Variants in ABAT observed in about 807,000 individuals in gnomAD.
ABAT encodes 4-aminobutyrate aminotransferase, mitochondrial.
ABAT carries 45 observed loss-of-function variants against 64.6 expected under a neutral mutation model. The observed-to-expected ratio is 0.70, with a 90% CI of 0.55 to 0.89. The LOEUF (loss-of-function observed/expected upper bound fraction) is 0.89, where lower values mean the gene tolerates loss of function less well. Ranked by LOEUF, ABAT falls within the 40% of genes least tolerant of loss-of-function variation. The pLI is 0.00. For missense variants in ABAT, 633 were observed against 658.4 expected (o/e 0.96, Z 0.42); for synonymous variants, 297 against 250.5 (o/e 1.19, Z -1.75).
chr16:8,774,901 C>T lies in ABAT; in HGVS notation c.966C>T (p.Ala322=). Residue 322 remains alanine, a synonymous_variant, in exon 13 of 16, where the codon GCC becomes GCT. Transcript: ENST00000268251. ...TCTTCTCCGGCCAGCATGGCTGCGC[C>T]TTCTTGGTGGACGAGGTCCAGACCG... ...LRDIARKHGC[A]FLVDEVQTGG... 6.2e-7 allele frequency: 1 copy of T among 1,614,114 alleles called. No homozygotes were observed. Among genetic ancestry groups the T allele is most frequent in the Non-Finnish European group, 8.5e-7 (1 of 1,180,040 alleles).
rs544058168 is a variant in ABAT, at chr16:8,744,250, C to T, written c.71-1751C>T. Among the ~76,000 whole-genome samples the T allele has an allele frequency of 2.5e-4, 38 of 152,228 alleles. No homozygotes were observed. In the South Asian group the frequency reaches 7.9e-3, roughly 32 times the overall value. On this transcript the variant is annotated intron_variant, in intron 2 of 15. Coordinates refer to ENST00000268251, the MANE Select transcript of ABAT (RefSeq NM_020686.6). ...GGCTTTACAGGAAGCATGATGCTGG[C>T]ATGTGCTCAGCTTCTGGGGAGGCCT...
chr16:8,735,805 G>A lies in ABAT; in HGVS notation c.66G>A (p.Val22=), dbSNP rs770850099. The change falls in exon 2 of 16, where the codon GTG becomes GTA. Residue 22 remains valine, a synonymous_variant. Coordinates refer to ENST00000268251, the MANE Select transcript of ABAT (RefSeq NM_020686.6). ...TCCAGCACAGCTACCGCCTGCTGGT[G>A]CCTGGTAAGCCCCGGGGGTCTTGAT... is the stretch of plus-strand genomic sequence containing the variant. The part of the protein sequence containing the change: ...CSFQHSYRLL[V]PGSRHISQAA... 3 of 1,602,154 alleles carry A rather than the reference G, an allele frequency of 1.9e-6. No individual in the cohort carries two copies. Among genetic ancestry groups the A allele is most frequent in the East Asian group, 4.5e-5 (2 of 44,734 alleles).
At chr16:8,698,484 C>A (rs1481200478) in intron 1 of ABAT, among the ~76,000 whole-genome samples, 1 of 152,146 alleles carries the variant, frequency 6.6e-6, no homozygotes, top group East Asian at 1.9e-4. Flanking sequence ...CAGGCACCTG[C>A]CGCCACACCC....
intron 1 of ABAT, among the ~76,000 whole-genome samples, chr16:8,709,936 T>C (rs1207574902): frequency 6.6e-6 from 1 of 152,064 alleles, no homozygotes; most frequent in African/African-American, 2.4e-5. Context: ...CCTGAGTAGC[T>C]GGGACTACAG....
chr16:8,680,854 G>A (rs534579353), intron 1 of ABAT, among the ~76,000 whole-genome samples: 1 of 152,220 alleles, frequency 6.6e-6, no homozygotes, highest in South Asian at 2.1e-4. Flanking sequence ...TTGCTTATTT[G>A]TATATTATCT....
chr16:8,677,043 G>A (rs1348503871), intron 1 of ABAT, among the ~76,000 whole-genome samples: 1 of 152,212 alleles, frequency 6.6e-6, no homozygotes, highest in Non-Finnish European at 1.5e-5. Flanking sequence ...TTCAAAGCAT[G>A]AGGAGGACCA....
At chr16:8,746,593 C>T (rs1441580014) in intron 3 of ABAT, among the ~76,000 whole-genome samples, 6 of 151,098 alleles carry the variant, frequency 4.0e-5, no homozygotes, top group Non-Finnish European at 8.8e-5. Flanking sequence ...GTTGGCCAGG[C>T]TGGTCTTGAA....
At position 8,768,971 on chromosome 16, in the gene ABAT, G is replaced by T; in HGVS notation, c.814G>T (p.Glu272Ter). ...NQQEEARCLE[E>*]VEDLIVKYRK... ...ACAGGAGGAGGCCCGCTGTCTGGAA[G>T]AGGTAATGCTCATACCCTGCGGATC... Residue 272 changes from glutamate to a stop codon, truncating the protein, a stop_gained and splice_region_variant, in exon 11 of 16, where the codon GAG (glutamate) becomes TAG (stop). Coordinates refer to ENST00000268251, the MANE Select transcript of ABAT (RefSeq NM_020686.6). LOFTEE classifies it high-confidence loss of function. The T allele has an allele frequency of 6.2e-7, 1 of 1,614,184 alleles. No individual in the cohort carries two copies. Among genetic ancestry groups the T allele is most frequent in the Non-Finnish European group, 8.5e-7 (1 of 1,180,028 alleles).
chr16:8,731,482 A>G (rs1254092498), intron 1 of ABAT: 4 of 152,292 alleles, frequency 2.6e-5, no homozygotes, highest in Admixed American at 2.6e-4. Flanking sequence ...CAGGGATACA[A>G]TGACTGCTCC....
chr16:8,779,917 T>C (rs1381708088), intron 15 of ABAT, among the ~76,000 whole-genome samples: 7 of 152,180 alleles, frequency 4.6e-5, no homozygotes, highest in African/African-American at 1.7e-4. Context: ...ACATGGCATT[T>C]CACAACCAAT....
At chr16:8,687,627 T>C (rs1282573385) in intron 1 of ABAT, among the ~76,000 whole-genome samples, 1 of 152,138 alleles carries the variant, frequency 6.6e-6, no homozygotes. Flanking sequence ...ATCAGATCAT[T>C]TGCGGGTCAT....
chr16:8,707,801 C>A (rs1463898341), intron 1 of ABAT, among the ~76,000 whole-genome samples: 1 of 152,084 alleles, frequency 6.6e-6, no homozygotes, highest in East Asian at 1.9e-4. Flanking sequence ...AACTCCTCAG[C>A]TCAAGCAAAC....
rs561534613 is a variant in ABAT, at chr16:8,784,378, C to T, written c.*2948C>T. On this transcript the variant is annotated 3_prime_UTR_variant, in exon 16 of 16. Coordinates refer to ENST00000268251, the MANE Select transcript of ABAT (RefSeq NM_020686.6). ...CTATATATAAGCTCATGGTAGAAAA[C>T]CATAGCTAAGTAGCATCGCAGACTT... 6.6e-6 allele frequency: 1 copy of T among 152,654 alleles called. No individual in the cohort carries two copies. The highest frequency in any genetic ancestry group is 1.9e-4 in the East Asian group (1 of 5,184). The allele number at this position is 152,654 out of a possible 1,614,324, so 9.5% of individuals were successfully genotyped here. A position where few individuals can be genotyped will look rare whatever the true frequency, so the allele number is the denominator to read the frequency against.
rs757426675 is a variant in ABAT, at chr16:8,764,045, C to T, written c.367-24C>T. On this transcript the variant is annotated intron_variant, in intron 6 of 15. Transcript: ENST00000268251. This position sits in a 1 kb window ranked among gnomAD's most constrained non-coding sequence, Gnocchi z 4.2. ...GCTGGGTCAGGCCCCCAGAAGTCAC[C>T]ATTTGTCTCTTGCCCTTTTGCAGAG... The T allele has an allele frequency of 1.9e-6, 3 of 1,610,062 alleles. No individual in the cohort carries two copies. The highest frequency in any genetic ancestry group is 2.2e-5 in the East Asian group (1 of 44,838).
At chr16:8,686,591 T>C (rs560683969) in intron 1 of ABAT, among the ~76,000 whole-genome samples, 1 of 152,120 alleles carries the variant, frequency 6.6e-6, no homozygotes, top group Non-Finnish European at 1.5e-5. Flanking sequence ...CTGATCAGAT[T>C]TCAGAGACAG....
chr16:8,772,427 C>A (rs944885725), intron 11 of ABAT, among the ~76,000 whole-genome samples: 5 of 152,180 alleles, frequency 3.3e-5, no homozygotes, highest in Admixed American at 1.3e-4. Flanking sequence ...AAACATCTGG[C>A]CCAGCAATCA....
chr16:8,700,396 C>T (rs1250945959), intron 1 of ABAT, among the ~76,000 whole-genome samples: 1 of 152,158 alleles, frequency 6.6e-6, no homozygotes, highest in African/African-American at 2.4e-5. Flanking sequence ...CCTGAGAATG[C>T]AACCATGTAA....
In ABAT at chr16:8,738,628, GT is replaced by G. The variant is rs879122746; in HGVS notation, c.70+2829del. Among the ~76,000 whole-genome samples, 23 of 125,518 alleles carry G rather than the reference GT, an allele frequency of 1.8e-4. 1 individual carries two copies. Among genetic ancestry groups the G allele is most frequent in the East Asian group, 7.0e-4 (3 of 4,306 alleles). The allele number at this position is 125,518 out of a possible 152,430, so 82.3% of individuals were successfully genotyped here. On this transcript the variant is annotated intron_variant, in intron 2 of 15. Transcript: ENST00000268251. ...TGTTTTTGTTTTTGTTTTTGTTTTT[GT>G]TTTTTTTTTGGTGTGTGTGTATGTG...
rs1007425905 is a variant in ABAT, at chr16:8,766,135, G to A, written c.541-73G>A. 1.7e-5 allele frequency: 24 copies of A among 1,401,684 alleles called. No homozygotes were observed. The African/African-American group carries it at 2.1e-4, about 12-fold the overall frequency. 86.8% of individuals were successfully genotyped at this position (1,401,684 alleles called of 1,614,324 possible). A position where few individuals can be genotyped will look rare whatever the true frequency, so the allele number is the denominator to read the frequency against. On this transcript the variant is annotated intron_variant, in intron 8 of 15. Transcript: ENST00000268251. ...TTTCTACTTGTCTGGACTGAATATC[G>A]GTTTGGTTGGAAAGATGAAGCCCCG...
Sources: gnomAD v4.1 joint callset for allele counts (sites outside exome capture counted in the v4.1 genomes callset) on GRCh38, gnomAD v4.1.1 for gene constraint, Gnocchi (gnomAD v3.1) non-coding constraint, MANE v1.5 for transcripts, NCBI Gene and HGNC (gene_info 2026-07-23, HGNC 2026-07-21) for gene names.